Variants in STYX observed in about 807,000 individuals in gnomAD.
STYX encodes the protein serine/threonine/tyrosine-interacting protein.
Under a neutral mutation model 42.7 loss-of-function variants are expected in STYX, and 20 were observed. That is an observed-to-expected ratio of 0.47 (90% CI 0.33 to 0.68). The LOEUF is 0.68. Among genes scored for constraint, STYX ranks in the 30% least tolerant of loss-of-function variants. STYX has a pLI of 0.02. For synonymous variants in STYX, 78 were observed against 81.9 expected (o/e 0.95, Z 0.26); for missense variants, 226 against 268.5 (o/e 0.84, Z 1.11).
rs532243793 is a variant in STYX, at chr14:52,733,058, A to G, written c.57+2527A>G. Reference sequence around the variant, plus strand: ...ATAATGTAGAGGAGTCCCACATTCCAGGTGAAGAAATTGTACCTTACTGAA... The same window carrying G: ...ATAATGTAGAGGAGTCCCACATTCCGGGTGAAGAAATTGTACCTTACTGAA... On this transcript the variant is annotated intron_variant, in intron 1 of 10. Transcript: ENST00000354586. 4.6e-5 allele frequency among the ~76,000 whole-genome samples: 7 copies of G among 152,320 alleles called. No homozygotes were observed. In the South Asian group the frequency reaches 1.4e-3, roughly 32 times the overall value.
chr14:52,774,573 G>A lies in STYX; in HGVS notation c.*3467G>A, dbSNP rs549368817. 2 of 149,176 alleles carry A rather than the reference G, an allele frequency of 1.3e-5. No individual in the cohort carries two copies. The highest frequency in any genetic ancestry group is 2.2e-4 in the South Asian group (1 of 4,644). 9.2% of individuals were successfully genotyped at this position (149,176 alleles called of 1,614,324 possible). A position where few individuals can be genotyped will look rare whatever the true frequency, so the allele number is the denominator to read the frequency against. On this transcript the variant is annotated 3_prime_UTR_variant, in exon 11 of 11. Coordinates refer to ENST00000354586, the MANE Select transcript of STYX (RefSeq NM_145251.4). ...AATTGATTAGAAAAGTAAGTCTCTAGGGTCTTTGAATGCTGGAATTTTTTT... is the reference window on the plus strand; with the variant it reads ...AATTGATTAGAAAAGTAAGTCTCTAAGGTCTTTGAATGCTGGAATTTTTTT...
At chr14:52,733,546 A>G (rs187332565) in intron 1 of STYX, among the ~76,000 whole-genome samples, 8 of 152,292 alleles carry the variant, frequency 5.3e-5, no homozygotes, top group African/African-American at 1.9e-4. Flanking sequence ...TACACTCCTG[A>G]CTGACTGTAA....
At chr14:52,763,103 G>A (rs1344407651) in intron 9 of STYX, among the ~76,000 whole-genome samples, 2 of 151,742 alleles carry the variant, frequency 1.3e-5, no homozygotes, top group East Asian at 3.9e-4. Context: ...ACATTGGCCA[G>A]GCTGGTCTCA....
chr14:52,764,704 T>C (rs769070349), intron 9 of STYX, among the ~76,000 whole-genome samples: 5 of 130,258 alleles, frequency 3.8e-5, no homozygotes, highest in Non-Finnish European at 4.7e-5. Flanking sequence ...AGTCTCACAC[T>C]CTTGCCCAGG....
At position 52,730,239 on chromosome 14, in the gene STYX, C is replaced by T. The variant is rs1411876371; in HGVS notation, c.-236C>T. ...CGGAGACTCTGGGGGAGGGAGACGG[C>T]AGCGGCATGGCGGCCGGGTGTAAGA... On this transcript the variant is annotated 5_prime_UTR_variant, in exon 1 of 11. Coordinates refer to ENST00000354586, the MANE Select transcript of STYX (RefSeq NM_145251.4). 5.3e-6 allele frequency: 3 copies of T among 569,144 alleles called. No individual in the cohort carries two copies. Among genetic ancestry groups the T allele is most frequent in the Admixed American group, 6.2e-5 (2 of 32,044 alleles). The allele number at this position is 569,144 out of a possible 1,614,324, so 35.3% of individuals were successfully genotyped here.
In STYX at chr14:52,730,228, GA is replaced by G; in HGVS notation, c.-246del. 1 of 567,634 alleles carries G rather than the reference GA, an allele frequency of 1.8e-6. No individual in the cohort carries two copies. Among genetic ancestry groups the G allele is most frequent in the Non-Finnish European group, 3.1e-6 (1 of 317,660 alleles). The allele number at this position is 567,634 out of a possible 1,614,324, so 35.2% of individuals were successfully genotyped here. A position where few individuals can be genotyped will look rare whatever the true frequency, so the allele number is the denominator to read the frequency against. On this transcript the variant is annotated 5_prime_UTR_variant, in exon 1 of 11. Coordinates refer to ENST00000354586, the MANE Select transcript of STYX (RefSeq NM_145251.4). The stretch of plus-strand genomic sequence containing the variant: ...CCTGAGGGGTACGGAGACTCTGGGG[GA>G]GGGAGACGGCAGCGGCATGGCGGCC...
chr14:52,769,760 A>C (rs1303979241), intron 10 of STYX, among the ~76,000 whole-genome samples: 1 of 151,944 alleles, frequency 6.6e-6, no homozygotes, highest in Non-Finnish European at 1.5e-5. Context: ...ACCTTAATCT[A>C]GTTCAGGTCC....
intron 1 of STYX, among the ~76,000 whole-genome samples, chr14:52,741,366 G>A (rs1881185850): frequency 6.6e-6 from 1 of 151,896 alleles, no homozygotes. Flanking sequence ...CCAGCATTTG[G>A]TGTTGTCAAT....
intron 4 of STYX, among the ~76,000 whole-genome samples, chr14:52,755,430 C>T (rs1002375998): frequency 3.3e-5 from 5 of 152,026 alleles, no homozygotes; most frequent in Non-Finnish European, 5.9e-5. Context: ...GCCTCAGCTT[C>T]TCTGTATTAA....
In STYX at chr14:52,767,661, C is replaced by T. The variant is rs116160003; in HGVS notation, c.505-1179C>T. Among the ~76,000 whole-genome samples, 927 of 152,196 alleles carry T rather than the reference C, an allele frequency of 6.1e-3. 5 individuals are homozygous for T. The highest frequency in any genetic ancestry group is 0.021 in the African/African-American group (883 of 41,534). ...GGGGAAGGCTGACAGCTTGAATTTT[C>T]CCAGGTTCCTTTGGTGGCATGAATC... On this transcript the variant is annotated intron_variant, in intron 9 of 10. Coordinates refer to ENST00000354586, the MANE Select transcript of STYX (RefSeq NM_145251.4).
intron 4 of STYX, among the ~76,000 whole-genome samples, chr14:52,755,567 G>T (rs1186832142): frequency 6.6e-6 from 1 of 152,108 alleles, no homozygotes; most frequent in Non-Finnish European, 1.5e-5. Context: ...TTAATAAACA[G>T]TGGTCTTAGA....
intron 5 of STYX, among the ~76,000 whole-genome samples, 170 bp downstream of exon 5, chr14:52,756,781 G>T (rs989621645): frequency 6.9e-6 from 1 of 144,414 alleles, no homozygotes; most frequent in Non-Finnish European, 1.5e-5. Flanking sequence ...TCTGCTTCCC[G>T]GGTTCAAGTG....
At chr14:52,766,526 T>C (rs1882307376) in intron 9 of STYX, among the ~76,000 whole-genome samples, 1 of 152,142 alleles carries the variant, frequency 6.6e-6, no homozygotes, top group Non-Finnish European at 1.5e-5. Flanking sequence ...CAGGTTGGTC[T>C]CAAACTCCTG....
In STYX at chr14:52,757,339, G is replaced by A. The variant is rs757267917; in HGVS notation, c.324G>A (p.Gly108=). ...TCCAGACTAAGGAATTTATTGATGG[G>A]AGCTTACAAATGGGAGGTAAATAAC... is the stretch of plus-strand genomic sequence containing the variant. The part of the protein sequence containing the change: ...FFPMTKEFID[G]SLQMGGKVLV... Residue 108 remains glycine (G), a synonymous_variant, in exon 6 of 11, where the codon GGG becomes GGA. Transcript: ENST00000354586. 6.2e-7 allele frequency: 1 copy of A among 1,606,582 alleles called. No homozygotes were observed. Among genetic ancestry groups the A allele is most frequent in the Admixed American group, 1.7e-5 (1 of 59,604 alleles).
intron 9 of STYX, among the ~76,000 whole-genome samples, chr14:52,767,199 A>G (rs551824950): frequency 7.2e-4 from 110 of 152,334 alleles, no homozygotes; most frequent in Middle Eastern, 3.4e-3. Flanking sequence ...GTAGAGGAAT[A>G]AGTGTAAGTG....
intron 9 of STYX, among the ~76,000 whole-genome samples, chr14:52,768,511 G>T (rs967254220): frequency 2.5e-4 from 38 of 152,138 alleles, no homozygotes; most frequent in African/African-American, 8.9e-4. Context: ...GGAAGCAGAG[G>T]ACTATTGAGA....
intron 1 of STYX, 126 bp downstream of exon 1, chr14:52,730,657 G>A (rs554261067): frequency 1.9e-6 from 2 of 1,039,384 alleles, no homozygotes; most frequent in Non-Finnish European, 2.8e-6. Flanking sequence ...GGCGTCCCGG[G>A]ACCTCTGAAG....
chr14:52,735,213 C>G (rs1157181878), intron 1 of STYX, among the ~76,000 whole-genome samples: 2 of 152,208 alleles, frequency 1.3e-5, no homozygotes, highest in African/African-American at 4.8e-5. Context: ...TCTCTGGCTT[C>G]TCCAAGATGT....
intron 1 of STYX, among the ~76,000 whole-genome samples, chr14:52,731,304 G>C (rs1328715813): frequency 6.6e-6 from 1 of 151,806 alleles, no homozygotes; most frequent in African/African-American, 2.4e-5. Flanking sequence ...GTAGGATTAA[G>C]AAAGAAAATC....
Sources: gnomAD v4.1 joint callset for allele counts (sites outside exome capture counted in the v4.1 genomes callset) on GRCh38, gnomAD v4.1.1 for gene constraint, MANE v1.5 for transcripts, NCBI Gene and HGNC (gene_info 2026-07-23, HGNC 2026-07-21) for gene names.